DENND5A: variants seen among roughly 807,000 people sequenced by gnomAD.
DENND5A encodes the protein DENN domain containing 5A, also known as DENN domain-containing protein 5A.
Under a neutral mutation model 140.3 loss-of-function variants are expected in DENND5A, and 64 were observed. The ratio of observed to expected loss-of-function variants is 0.46; its 90% CI spans 0.37 to 0.56. The LOEUF (loss-of-function observed/expected upper bound fraction) is 0.56. Ranked by LOEUF, DENND5A falls within the 20% of genes least tolerant of loss-of-function variation. DENND5A has a pLI of 0.00. For missense variants in DENND5A, 1,292 were observed against 1,593.8 expected (o/e 0.81, Z 3.22); for synonymous variants, 605 against 607.7 (o/e 1.00, Z 0.07).
Position 9,196,982 on chromosome 11 carries a change from TA to T in DENND5A, c.950-3302del, listed in dbSNP as rs1240340088. ...ATAATTTAAAGAATATTAAAATTAA[TA>T]CACATATATTCAACACCTAACATAA... is the stretch of plus-strand genomic sequence containing the variant. On this transcript the variant is annotated intron_variant, in intron 4 of 22. Coordinates refer to ENST00000328194, the MANE Select transcript of DENND5A (RefSeq NM_015213.4). Among the ~76,000 whole-genome samples the T allele has an allele frequency of 4.6e-5, 7 of 151,850 alleles. No individual in the cohort carries two copies. The East Asian group carries it at 1.2e-3, about 25-fold the overall frequency.
At chr11:9,228,424 C>T (rs992126858) in intron 1 of DENND5A, among the ~76,000 whole-genome samples, 2 of 152,008 alleles carry the variant, frequency 1.3e-5, no homozygotes, top group Admixed American at 6.6e-5. Context: ...ATTTCAAAAT[C>T]GTGCCAACAC....
chr11:9,207,732 C>A, intron 1 of DENND5A, 100 bp from the exon 2 acceptor site: 3 of 849,894 alleles, frequency 3.5e-6, no homozygotes, highest in Middle Eastern at 2.6e-4. Flanking sequence ...CATTATGAAA[C>A]AATAAACACA....
At chr11:9,161,921 C>A (rs1014388244) in intron 11 of DENND5A, among the ~76,000 whole-genome samples, 2 of 150,830 alleles carry the variant, frequency 1.3e-5, no homozygotes, top group Non-Finnish European at 2.9e-5. Context: ...ATATAGCACT[C>A]TATTAAATTA....
At chr11:9,210,912 A>C (rs1171059096) in intron 1 of DENND5A, among the ~76,000 whole-genome samples, 1 of 152,252 alleles carries the variant, frequency 6.6e-6, no homozygotes. Context: ...TGATTTTATC[A>C]ACAGAATATT....
intron 1 of DENND5A, among the ~76,000 whole-genome samples, chr11:9,221,027 A>G (rs954769543): frequency 2.0e-5 from 3 of 151,872 alleles, no homozygotes; most frequent in African/African-American, 7.3e-5. Flanking sequence ...GGTTGCCGTG[A>G]GCCGAGATGG....
intron 5 of DENND5A, among the ~76,000 whole-genome samples, chr11:9,187,645 G>A (rs1354898403): frequency 6.6e-6 from 1 of 152,096 alleles, no homozygotes; most frequent in African/African-American, 2.4e-5. Flanking sequence ...GGAAAAAGGG[G>A]TCCAAGATAG....
rs1852394765 is a variant in DENND5A, at chr11:9,265,200, G to A, written c.-131C>T. On this transcript the variant is annotated 5_prime_UTR_variant, in exon 1 of 23. Transcript: ENST00000328194. This position sits in a 1 kb window ranked among gnomAD's most constrained non-coding sequence, Gnocchi z 4.7. ...ACCGCGGCTCGGGCCGCCGCCCCCGGCCCTGGCCCGGTCCCCTCGGCCGCC... is the reference window on the plus strand; with the variant it reads ...ACCGCGGCTCGGGCCGCCGCCCCCGACCCTGGCCCGGTCCCCTCGGCCGCC... 6 of 355,548 alleles carry A rather than the reference G, an allele frequency of 1.7e-5. No homozygotes were observed. Among genetic ancestry groups the A allele is most frequent in the Non-Finnish European group, 2.0e-5 (5 of 249,652 alleles). 22.0% of individuals were successfully genotyped at this position (355,548 alleles called of 1,614,324 possible).
intron 10 of DENND5A, 58 bp from the exon 11 acceptor site, chr11:9,166,025 G>A: frequency 1.9e-6 from 3 of 1,559,884 alleles, no homozygotes; most frequent in Non-Finnish European, 2.6e-6. Flanking sequence ...CCAAAGGTCA[G>A]CAGTACTGGT....
intron 1 of DENND5A, among the ~76,000 whole-genome samples, chr11:9,254,024 C>T (rs955959069): frequency 2.6e-5 from 4 of 151,934 alleles, no homozygotes; most frequent in Admixed American, 1.3e-4. Context: ...GGCATGGTGG[C>T]GCATGCCTAT....
chr11:9,173,515 TG>T (rs964718068), intron 8 of DENND5A, among the ~76,000 whole-genome samples: 1 of 152,202 alleles, frequency 6.6e-6, no homozygotes, highest in African/African-American at 2.4e-5. Context: ...TAGAGTTTTG[TG>T]AAGTTCTTTT....
chr11:9,161,335 G>A (rs1246594752), intron 11 of DENND5A, among the ~76,000 whole-genome samples: 1 of 143,934 alleles, frequency 6.9e-6, no homozygotes, highest in East Asian at 1.9e-4. Context: ...GCAACAGAGC[G>A]AGACTCCGTC....
intron 11 of DENND5A, among the ~76,000 whole-genome samples, chr11:9,162,860 G>C (rs1409191990): frequency 8.2e-6 from 1 of 122,210 alleles, no homozygotes; most frequent in African/African-American, 3.6e-5. Context: ...TGTTTCTTTT[G>C]TGATTTTTTT....
At chr11:9,205,914 T>C (rs746352424) in intron 3 of DENND5A, among the ~76,000 whole-genome samples, 1 of 152,064 alleles carries the variant, frequency 6.6e-6, no homozygotes, top group Non-Finnish European at 1.5e-5. Flanking sequence ...TCAAATGTAA[T>C]AGAGGCAGTA....
At chr11:9,264,602 C>T (rs934758902) in intron 1 of DENND5A, among the ~76,000 whole-genome samples, 3 of 152,144 alleles carry the variant, frequency 2.0e-5, no homozygotes, top group Admixed American at 6.6e-5. Flanking sequence ...GTGGAACTTA[C>T]TTTCACTAGG....
chr11:9,151,542 A>G (rs1000215785), intron 13 of DENND5A, among the ~76,000 whole-genome samples: 8 of 152,212 alleles, frequency 5.3e-5, no homozygotes, highest in Non-Finnish European at 7.3e-5. Context: ...TTCAAGGGCA[A>G]CGAGTTCATG....
At chr11:9,225,621 G>A (rs1275930833) in intron 1 of DENND5A, among the ~76,000 whole-genome samples, 2 of 152,046 alleles carry the variant, frequency 1.3e-5, no homozygotes, top group African/African-American at 4.8e-5. Context: ...AAATCAGCCG[G>A]GCATGGTAGC....
At position 9,250,062 on chromosome 11, in the gene DENND5A, C is replaced by G. The variant is rs1366536185; in HGVS notation, c.109+14899G>C. ...TAAAATTTAAAAAAAAAAAAAAAAT[C>G]CTTAAAATTTCTCAGGTGTTTTCCA... On this transcript the variant is annotated intron_variant, in intron 1 of 22. Transcript: ENST00000328194. Among the ~76,000 whole-genome samples the G allele has an allele frequency of 3.4e-5, 5 of 145,706 alleles. 1 individual carries two copies. Among genetic ancestry groups the G allele is most frequent in the African/African-American group, 1.3e-4 (5 of 38,840 alleles).
chr11:9,223,705 C>T (rs952616070), intron 1 of DENND5A, among the ~76,000 whole-genome samples: 3 of 152,058 alleles, frequency 2.0e-5, no homozygotes, highest in African/African-American at 4.8e-5. Context: ...GGCAACAGAG[C>T]AAGCAAGAGA....
intron 2 of DENND5A, chr11:9,207,290 C>T: frequency 4.0e-6 from 2 of 501,748 alleles, no homozygotes; most frequent in South Asian, 4.3e-5. Flanking sequence ...GATATTCTGT[C>T]AATTCAGAAT....
Sources: allele counts gnomAD v4.1 joint callset (sites outside exome capture counted in the v4.1 genomes callset), GRCh38; gene constraint gnomAD v4.1.1; non-coding constraint Gnocchi (gnomAD v3.1); transcripts MANE v1.5; gene names NCBI Gene and HGNC (gene_info 2026-07-23, HGNC 2026-07-21).